Variants in WWP2 observed in about 807,000 individuals in gnomAD.
WWP2 encodes the protein NEDD4-like E3 ubiquitin-protein ligase WWP2.
A neutral mutation model predicts 121.0 loss-of-function variants in WWP2; 57 were observed. The observed-to-expected ratio is 0.47, with a 90% CI of 0.38 to 0.59. The LOEUF is 0.59. Ranked by LOEUF, WWP2 falls within the 20% of genes least tolerant of loss-of-function variation. WWP2 has a pLI of 0.00. For missense variants in WWP2, 962 were observed against 1,158.9 expected (o/e 0.83, Z 2.47); for synonymous variants, 449 against 441.3 (o/e 1.02, Z -0.22).
At chr16:69,898,803 A>C (rs2058149915) in intron 8 of WWP2, among the ~76,000 whole-genome samples, 2 of 152,164 alleles carry the variant, frequency 1.3e-5, no homozygotes. Flanking sequence ...TCCCAGGTTC[A>C]AGCAGTTCTC....
chr16:69,854,707 C>T (rs1451672143), intron 6 of WWP2, among the ~76,000 whole-genome samples: 5 of 152,132 alleles, frequency 3.3e-5, no homozygotes, highest in African/African-American at 7.2e-5. Flanking sequence ...CCTGCCACCA[C>T]GCCTGGATAA....
chr16:69,849,487 A>G (rs901794079), intron 6 of WWP2, among the ~76,000 whole-genome samples: 1 of 149,884 alleles, frequency 6.7e-6, no homozygotes, highest in African/African-American at 2.5e-5. Context: ...TTATTTATTC[A>G]TTCATTCATT....
At chr16:69,914,986 G>T (rs2058458357) in intron 9 of WWP2, among the ~76,000 whole-genome samples, 1 of 152,192 alleles carries the variant, frequency 6.6e-6, no homozygotes, top group South Asian at 2.1e-4. Context: ...TTAACCCCGA[G>T]GCCATGGAAT....
intron 9 of WWP2, 120 bp downstream of exon 9, chr16:69,908,970 C>G: frequency 6.6e-7 from 1 of 1,508,578 alleles, no homozygotes; most frequent in Non-Finnish European, 8.8e-7. Context: ...TATTCCGGGT[C>G]ACTTGATTGC....
At chr16:69,914,071 C>CAAAAA (rs34269202) in intron 9 of WWP2, among the ~76,000 whole-genome samples, 294 of 32,220 alleles carry the variant, frequency 9.1e-3, no homozygotes, top group Middle Eastern at 0.038. Flanking sequence ...GACTCTGTCT[C>CAAAAA]AAAAAAAAAA....
At chr16:69,818,301 G>A (rs1040073941) in intron 4 of WWP2, among the ~76,000 whole-genome samples, 3 of 151,782 alleles carry the variant, frequency 2.0e-5, no homozygotes, top group Non-Finnish European at 2.9e-5. Flanking sequence ...TCTGCCTCCC[G>A]GGTTCAAGCA....
chr16:69,916,423 T>G (rs1276006846), intron 9 of WWP2, among the ~76,000 whole-genome samples: 1 of 152,118 alleles, frequency 6.6e-6, no homozygotes, highest in East Asian at 1.9e-4. Context: ...GCTGGTCAAT[T>G]GAAGTTTTTG....
At chr16:69,917,197 C>T (rs543574469) in intron 9 of WWP2, among the ~76,000 whole-genome samples, 3 of 152,234 alleles carry the variant, frequency 2.0e-5, no homozygotes, top group Non-Finnish European at 2.9e-5. Flanking sequence ...TGATTCCAAG[C>T]GAAGCTTGGG....
chr16:69,920,414 G>A (rs536151459), intron 10 of WWP2, among the ~76,000 whole-genome samples: 2 of 152,180 alleles, frequency 1.3e-5, no homozygotes, highest in South Asian at 2.1e-4. Flanking sequence ...GATGGAATCT[G>A]GTCTTTCACC....
chr16:69,892,255 A>G (rs1044119046), intron 8 of WWP2, among the ~76,000 whole-genome samples: 2 of 152,106 alleles, frequency 1.3e-5, no homozygotes, highest in Admixed American at 1.3e-4. Context: ...GTTTCGTTAC[A>G]TAGGTATACA....
At chr16:69,906,462 G>A (rs1178559978) in intron 8 of WWP2, among the ~76,000 whole-genome samples, 1 of 152,198 alleles carries the variant, frequency 6.6e-6, no homozygotes, top group Non-Finnish European at 1.5e-5. Context: ...GTGGCAGTGA[G>A]TACAGGTAAT....
intron 16 of WWP2, chr16:69,932,956 C>G: frequency 2.2e-6 from 1 of 459,850 alleles, no homozygotes; most frequent in Non-Finnish European, 4.5e-6. Context: ...TAACTTGCTT[C>G]TGGTCCTCTG....
rs199723151 is a variant in WWP2 at position 69,888,164 on chromosome 16, A to G, written c.829A>G (p.Thr277Ala). ...PNTTSLPAPA[T>A]PAEGEEPSTS... is the part of the protein sequence containing the mutation. ...CACGACTTCTCTCCCTGCCCCAGCC[A>G]CACCGGCTGAAGGAGAGGAACCCAG... Residue 277 changes from threonine (T) to alanine (A), a missense_variant, in exon 8 of 24, where the codon ACA becomes GCA. Transcript: ENST00000359154. The G allele has an allele frequency of 1.8e-5, 29 of 1,614,190 alleles. No homozygotes were observed. In the African/African-American group the frequency reaches 1.9e-4, roughly 10 times the overall value.
At chr16:69,915,248 T>TTA (rs1412474060) in intron 9 of WWP2, among the ~76,000 whole-genome samples, 1 of 152,264 alleles carries the variant, frequency 6.6e-6, no homozygotes, top group Non-Finnish European at 1.5e-5. Flanking sequence ...GGAAATGTAC[T>TTA]TATAGTATTC....
At position 69,790,499 on chromosome 16, in the gene WWP2, G is replaced by A. The variant is rs374175194; in HGVS notation, c.70+3419G>A. On this transcript the variant is annotated intron_variant, in intron 2 of 23. Transcript: ENST00000359154. ...TATCTCTTGGGTGGCAAAGGCAGGAGAAAATCCATGTAAAAGTGGACCCTT... is the reference window on the plus strand; with the variant it reads ...TATCTCTTGGGTGGCAAAGGCAGGAAAAAATCCATGTAAAAGTGGACCCTT... Among the ~76,000 whole-genome samples, 23 of 152,268 alleles carry A rather than the reference G, an allele frequency of 1.5e-4. 1 individual carries two copies. The East Asian group carries it at 3.9e-3, about 26-fold the overall frequency.
At chr16:69,865,088 C>T (rs1036656339) in intron 6 of WWP2, among the ~76,000 whole-genome samples, 2 of 151,986 alleles carry the variant, frequency 1.3e-5, no homozygotes, top group African/African-American at 4.8e-5. Context: ...TTGGCTCTGT[C>T]GTGTAGGCTG....
chr16:69,846,614 G>A (rs1346952206), intron 6 of WWP2, among the ~76,000 whole-genome samples: 4 of 151,898 alleles, frequency 2.6e-5, no homozygotes, highest in Non-Finnish European at 4.4e-5. Context: ...CCTGCTATTC[G>A]GGAGGCTGAG....
rs868151898 is a variant in WWP2, at chr16:69,939,007, C to G, written c.2344-20C>G. The G allele has an allele frequency of 1.8e-5, 28 of 1,588,138 alleles. 1 individual carries two copies. In the Middle Eastern group the frequency reaches 3.3e-3, roughly 188 times the overall value. ...GGCCCCGTGGGTTGCCTGACTGTGCCTTGACTTGCGGACTTCCAGGTGGTG... is the reference window on the plus strand; with the variant it reads ...GGCCCCGTGGGTTGCCTGACTGTGCGTTGACTTGCGGACTTCCAGGTGGTG... On this transcript the variant is annotated intron_variant, in intron 21 of 23. Transcript: ENST00000359154.
intron 6 of WWP2, among the ~76,000 whole-genome samples, chr16:69,863,527 T>C (rs1416319976): frequency 1.3e-5 from 2 of 151,812 alleles, no homozygotes; most frequent in Non-Finnish European, 2.9e-5. Context: ...TAATCCCAGC[T>C]ACAAGGGAGG....
Sources: gnomAD v4.1 joint callset for allele counts (sites outside exome capture counted in the v4.1 genomes callset) on GRCh38, gnomAD v4.1.1 for gene constraint, MANE v1.5 for transcripts, NCBI Gene and HGNC (gene_info 2026-07-23, HGNC 2026-07-21) for gene names.